Variants in SLC4A10 observed in about 807,000 individuals in gnomAD.
SLC4A10 encodes solute carrier family 4 member 10, also known as sodium-driven chloride bicarbonate exchanger.
Under a neutral mutation model 137.7 loss-of-function variants are expected in SLC4A10, and 42 were observed. The ratio of observed to expected loss-of-function variants is 0.30; its 90% CI spans 0.24 to 0.39. The LOEUF (loss-of-function observed/expected upper bound fraction) is 0.39, where lower values mean the gene tolerates loss of function less well. Among genes scored for constraint, SLC4A10 ranks in the 10% least tolerant of loss-of-function variants. The probability of loss-of-function intolerance (pLI) is 1.00; values close to 1 mark genes in which losing one functional copy is unlikely to be tolerated. For synonymous variants in SLC4A10, 474 were observed against 464.1 expected (o/e 1.02, Z -0.27); for missense variants, 925 against 1,355.0 (o/e 0.68, Z 4.98).
At chr2:161,633,809 C>T (rs1271471572) in intron 1 of SLC4A10, among the ~76,000 whole-genome samples, 1 of 151,560 alleles carries the variant, frequency 6.6e-6, no homozygotes, top group Non-Finnish European at 1.5e-5. Flanking sequence ...CAGTACAATC[C>T]TTTTCCTAAT....
At chr2:161,682,501 T>C (rs2040967857) in intron 1 of SLC4A10, among the ~76,000 whole-genome samples, 1 of 152,190 alleles carries the variant, frequency 6.6e-6, no homozygotes. Flanking sequence ...TGGTGACATA[T>C]AAATAGAATT....
At chr2:161,852,505 A>C (rs2059888549) in intron 4 of SLC4A10, among the ~76,000 whole-genome samples, 1 of 152,226 alleles carries the variant, frequency 6.6e-6, no homozygotes, top group Admixed American at 6.5e-5. Context: ...AGTCTTATTC[A>C]CAAAGGAAAA....
intron 12 of SLC4A10, chr2:161,902,090 A>T (rs1352060959): frequency 4.4e-6 from 2 of 456,284 alleles, no homozygotes; most frequent in East Asian, 7.0e-5. Flanking sequence ...TGCTGACATG[A>T]CTTGAAGTAT....
intron 1 of SLC4A10, among the ~76,000 whole-genome samples, chr2:161,655,508 G>A (rs188818787): frequency 6.6e-6 from 1 of 152,158 alleles, no homozygotes; most frequent in Admixed American, 6.5e-5. Flanking sequence ...TTTATACATG[G>A]CCTTTACTAT....
chr2:161,729,827 T>TA (rs1359074139), intron 1 of SLC4A10, among the ~76,000 whole-genome samples: 1 of 152,354 alleles, frequency 6.6e-6, no homozygotes, highest in East Asian at 1.9e-4. Flanking sequence ...CACCTTTCAC[T>TA]AGGTCTTTTC....
chr2:161,626,769 T>C (rs2032467159), intron 1 of SLC4A10, among the ~76,000 whole-genome samples: 1 of 152,182 alleles, frequency 6.6e-6, no homozygotes, highest in Admixed American at 6.6e-5. Flanking sequence ...AGAATTTAGG[T>C]CATCTAAAAC....
intron 1 of SLC4A10, among the ~76,000 whole-genome samples, chr2:161,683,898 T>C (rs2041123958): frequency 6.6e-6 from 1 of 152,198 alleles, no homozygotes; most frequent in Admixed American, 6.5e-5. Context: ...TGCTAAGATT[T>C]ACCATTATAA....
chr2:161,635,166 T>C (rs1185443737), intron 1 of SLC4A10, among the ~76,000 whole-genome samples: 1 of 152,168 alleles, frequency 6.6e-6, no homozygotes, highest in East Asian at 1.9e-4. Flanking sequence ...GCCCTTTATG[T>C]ATTTTTTTTA....
chr2:161,911,744 T>C (rs1685908182), intron 15 of SLC4A10, among the ~76,000 whole-genome samples: 1 of 152,134 alleles, frequency 6.6e-6, no homozygotes, highest in African/African-American at 2.4e-5. Context: ...ACATATTGTA[T>C]GAACATGTTT....
At chr2:161,792,459 T>C (rs987288185) in intron 2 of SLC4A10, among the ~76,000 whole-genome samples, 4 of 147,492 alleles carry the variant, frequency 2.7e-5, no homozygotes, top group African/African-American at 1.0e-4. Context: ...GAGACTTAAA[T>C]ATGTTCTTAT....
intron 15 of SLC4A10, among the ~76,000 whole-genome samples, chr2:161,920,819 G>C (rs1391915864): frequency 6.6e-6 from 1 of 152,196 alleles, no homozygotes; most frequent in Non-Finnish European, 1.5e-5. Context: ...TCATACATGT[G>C]CTTACTCATT....
rs1229837741 is a variant in SLC4A10 at position 161,766,281 on chromosome 2, ACT to A, written c.49-4688_49-4687del. On this transcript the variant is annotated intron_variant, in intron 1 of 26. Coordinates refer to ENST00000446997, the MANE Select transcript of SLC4A10 (RefSeq NM_001178015.2). ...TCTACTGCTTCTGCTGTAAAATTTC[ACT>A]CTCAGTATCTTTCCAACTATTTAAT... 3.3e-5 allele frequency among the ~76,000 whole-genome samples: 5 copies of A among 152,150 alleles called. No individual in the cohort carries two copies. The East Asian group carries it at 9.7e-4, about 29-fold the overall frequency.
rs2042081718 is a variant in SLC4A10, at chr2:161,692,303, A to C, written c.48+67737A>C. ...AAATTAGATAATTATTCAAAGAAAAATATATAGGACTATTAAATGTTGTAA... is the reference window on the plus strand; with the variant it reads ...AAATTAGATAATTATTCAAAGAAAACTATATAGGACTATTAAATGTTGTAA... On this transcript the variant is annotated intron_variant, in intron 1 of 26. Transcript: ENST00000446997. 2.0e-5 allele frequency among the ~76,000 whole-genome samples: 3 copies of C among 152,184 alleles called. No homozygotes were observed. The South Asian group carries it at 6.2e-4, about 32-fold the overall frequency.
intron 6 of SLC4A10, among the ~76,000 whole-genome samples, chr2:161,871,044 T>C (rs745363113): frequency 6.6e-6 from 1 of 151,930 alleles, no homozygotes; most frequent in Non-Finnish European, 1.5e-5. Context: ...AGCAAACTTA[T>C]AGTAATATTT....
chr2:161,627,842 T>C (rs901260295), intron 1 of SLC4A10, among the ~76,000 whole-genome samples: 4 of 152,124 alleles, frequency 2.6e-5, no homozygotes, highest in African/African-American at 9.7e-5. Flanking sequence ...TGCCTACTGT[T>C]GGCCAAACAC....
chr2:161,719,507 C>T (rs1366831833), intron 1 of SLC4A10, among the ~76,000 whole-genome samples: 5 of 152,144 alleles, frequency 3.3e-5, no homozygotes, highest in Non-Finnish European at 5.9e-5. Flanking sequence ...AACTAGTTTA[C>T]AGTCCCACCA....
intron 15 of SLC4A10, among the ~76,000 whole-genome samples, chr2:161,917,290 T>C (rs759589732): frequency 6.6e-6 from 1 of 152,196 alleles, no homozygotes; most frequent in Non-Finnish European, 1.5e-5. Context: ...CTGGGTTACT[T>C]CTGGCTTGGG....
chr2:161,941,353 C>T (rs1173909567), intron 15 of SLC4A10, among the ~76,000 whole-genome samples: 3 of 151,984 alleles, frequency 2.0e-5, no homozygotes, highest in East Asian at 1.9e-4. Flanking sequence ...GCAGGTGCTT[C>T]GAAGGAGGAA....
chr2:161,927,802 C>A (rs1226080730), intron 15 of SLC4A10, among the ~76,000 whole-genome samples: 3 of 151,566 alleles, frequency 2.0e-5, no homozygotes, highest in African/African-American at 4.9e-5. Context: ...CAGAGAAATG[C>A]AAATCAAAAC....
Sources: allele counts gnomAD v4.1 joint callset (sites outside exome capture counted in the v4.1 genomes callset), GRCh38; gene constraint gnomAD v4.1.1; transcripts MANE v1.5; gene names NCBI Gene and HGNC (gene_info 2026-07-23, HGNC 2026-07-21).